The following PRKAG2 variants were observed in gnomAD, a reference collection of about 807,000 sequenced individuals.
The protein encoded by PRKAG2 is 5'-AMP-activated protein kinase subunit gamma-2.
A neutral mutation model predicts 69.6 loss-of-function variants in PRKAG2; 26 were observed. The observed-to-expected ratio is 0.37, with a 90% CI of 0.27 to 0.52. The LOEUF (loss-of-function observed/expected upper bound fraction) is 0.52. PRKAG2 is among the 20% of genes least tolerant of loss of function. The pLI is 0.90. For synonymous variants in PRKAG2, 293 were observed against 285.0 expected (o/e 1.03, Z -0.28); for missense variants, 557 against 740.0 (o/e 0.75, Z 2.87).
At chr7:151,728,785 C>T (rs768221730) in intron 3 of PRKAG2, among the ~76,000 whole-genome samples, 3 of 152,148 alleles carry the variant, frequency 2.0e-5, no homozygotes, top group African/African-American at 4.8e-5. Context: ...GATGAGCGCC[C>T]CTGGGAGAGC....
intron 4 of PRKAG2, among the ~76,000 whole-genome samples, chr7:151,673,321 C>T (rs1259454759): frequency 6.6e-6 from 1 of 152,080 alleles, no homozygotes; most frequent in African/African-American, 2.4e-5. Context: ...GAAGGTTCTC[C>T]CTTCCCTCTC....
intron 1 of PRKAG2, among the ~76,000 whole-genome samples, chr7:151,824,475 G>A (rs1240057870): frequency 6.6e-6 from 1 of 152,184 alleles, no homozygotes; most frequent in Non-Finnish European, 1.5e-5. Context: ...AAATCGTGAT[G>A]AGATTGTAAT....
Position 151,828,662 on chromosome 7 carries a change from G to A in PRKAG2, c.115-42121C>T, listed in dbSNP as rs1355636391. 2.0e-5 allele frequency among the ~76,000 whole-genome samples: 3 copies of A among 151,910 alleles called. No individual in the cohort carries two copies. Among genetic ancestry groups the A allele is most frequent in the Non-Finnish European group, 4.4e-5 (3 of 68,018 alleles). ...GGGCCTGGCATGGTGGCTCACACCT[G>A]TAACTCTCAGCACTTTGGGAGGCCA... On this transcript the variant is annotated intron_variant, in intron 1 of 15. Coordinates refer to ENST00000287878, the MANE Select transcript of PRKAG2 (RefSeq NM_016203.4). The surrounding 1 kb of genome is among the most constrained non-coding windows in gnomAD (Gnocchi z 4.6).
chr7:151,602,143 T>C (rs1189402961), intron 5 of PRKAG2, among the ~76,000 whole-genome samples: 1 of 152,274 alleles, frequency 6.6e-6, no homozygotes, highest in Admixed American at 6.5e-5. Flanking sequence ...AGTCTCCTCA[T>C]GCCTACTGAG....
rs372091421 is a variant in PRKAG2, at chr7:151,874,070, GATGTAT to G, written c.114+2431_114+2436del. ...TATGTATGTATATGTATATGTATAT[GATGTAT>G]ATGTATATGTATATGATGTATATGT... On this transcript the variant is annotated intron_variant, in intron 1 of 15. Coordinates refer to ENST00000287878, the MANE Select transcript of PRKAG2 (RefSeq NM_016203.4). Among the ~76,000 whole-genome samples, 912 of 129,760 alleles carry G rather than the reference GATGTAT, an allele frequency of 7.0e-3. 28 individuals are homozygous for G. Among genetic ancestry groups the G allele is most frequent in the Non-Finnish European group, 9.1e-3 (534 of 58,494 alleles). The allele number at this position is 129,760 out of a possible 152,430, so 85.1% of individuals were successfully genotyped here. A position where few individuals can be genotyped will look rare whatever the true frequency, so the allele number is the denominator to read the frequency against.
chr7:151,807,591 G>C lies in PRKAG2; in HGVS notation c.115-21050C>G, dbSNP rs2078180232. 1 of 457,840 alleles carries C rather than the reference G, an allele frequency of 2.2e-6. No homozygotes were observed. Among genetic ancestry groups the C allele is most frequent in the South Asian group, 1.5e-5 (1 of 64,568 alleles). The allele number at this position is 457,840 out of a possible 1,614,324, so 28.4% of individuals were successfully genotyped here. A position where few individuals can be genotyped will look rare whatever the true frequency, so the allele number is the denominator to read the frequency against. ...TAGATGCACAGCTGCCACGGAGGTAGGAAGAATGATTCGTTTGCCACCAAA... is the reference window on the plus strand; with the variant it reads ...TAGATGCACAGCTGCCACGGAGGTACGAAGAATGATTCGTTTGCCACCAAA... On this transcript the variant is annotated intron_variant, in intron 1 of 15. Coordinates refer to ENST00000287878, the MANE Select transcript of PRKAG2 (RefSeq NM_016203.4). This position sits in a 1 kb window ranked among gnomAD's most constrained non-coding sequence, Gnocchi z 4.4.
intron 3 of PRKAG2, among the ~76,000 whole-genome samples, chr7:151,676,898 A>G (rs1347603791): frequency 6.6e-6 from 1 of 152,230 alleles, no homozygotes; most frequent in Non-Finnish European, 1.5e-5. Flanking sequence ...TGGCAGAGGC[A>G]GCGATCGGAG....
At chr7:151,839,899 A>G (rs2079236010) in intron 1 of PRKAG2, among the ~76,000 whole-genome samples, 1 of 152,110 alleles carries the variant, frequency 6.6e-6, no homozygotes, top group Admixed American at 6.5e-5. Context: ...CGGCAGAGGA[A>G]GCTGAGCAGG....
At chr7:151,818,489 C>T (rs1350190941) in intron 1 of PRKAG2, among the ~76,000 whole-genome samples, 1 of 152,262 alleles carries the variant, frequency 6.6e-6, no homozygotes, top group Non-Finnish European at 1.5e-5. Flanking sequence ...ACCCCAGAAC[C>T]CTGTGTCCAG....
chr7:151,720,624 GCAGAGGGGGA>G (rs1415697096), intron 3 of PRKAG2, among the ~76,000 whole-genome samples: 2 of 141,660 alleles, frequency 1.4e-5, no homozygotes, highest in African/African-American at 2.7e-5. Flanking sequence ...AGCAGAAATG[GCAGAGGGGGA>G]CAGAGGGGGA....
At chr7:151,757,638 T>G (rs1425919038) in intron 3 of PRKAG2, among the ~76,000 whole-genome samples, 2 of 152,198 alleles carry the variant, frequency 1.3e-5, no homozygotes, top group African/African-American at 4.8e-5. Context: ...ACCCGGGACT[T>G]ACTTCCATCC....
At chr7:151,849,285 G>A (rs777875595) in intron 1 of PRKAG2, among the ~76,000 whole-genome samples, 2 of 152,214 alleles carry the variant, frequency 1.3e-5, no homozygotes, top group Admixed American at 6.5e-5. Context: ...CCTCCCACAC[G>A]GGGCGGTCTG....
chr7:151,569,394 CT>C (rs1807030299), intron 10 of PRKAG2, among the ~76,000 whole-genome samples: 1 of 152,204 alleles, frequency 6.6e-6, no homozygotes. Context: ...ACGATGAAAC[CT>C]AAATCCTTAG....
chr7:151,831,752 C>G (rs528714631), intron 1 of PRKAG2, among the ~76,000 whole-genome samples: 67 of 152,316 alleles, frequency 4.4e-4, no homozygotes, highest in African/African-American at 1.5e-3. Flanking sequence ...GGAGGGAGTT[C>G]TGTGTGCCCG....
chr7:151,619,530 G>A (rs79642905), intron 5 of PRKAG2, among the ~76,000 whole-genome samples: 9,119 of 152,288 alleles, frequency 0.06, 387 homozygotes, highest in Non-Finnish European at 0.087. Context: ...GGCTGAGACA[G>A]TGGCACCTTT....
At chr7:151,702,964 A>G (rs1837978790) in intron 3 of PRKAG2, among the ~76,000 whole-genome samples, 1 of 152,168 alleles carries the variant, frequency 6.6e-6, no homozygotes, top group Non-Finnish European at 1.5e-5. Flanking sequence ...TGCCAAGGGC[A>G]CGATTTTGCC....
At chr7:151,671,201 A>C (rs1427806733) in intron 4 of PRKAG2, among the ~76,000 whole-genome samples, 2 of 141,922 alleles carry the variant, frequency 1.4e-5, no homozygotes, top group Admixed American at 1.4e-4. Flanking sequence ...AAAAAAAAGG[A>C]GTGCTGTCTT....
At chr7:151,813,629 C>T (rs983514553) in intron 1 of PRKAG2, among the ~76,000 whole-genome samples, 7 of 152,148 alleles carry the variant, frequency 4.6e-5, no homozygotes, top group African/African-American at 1.7e-4. Flanking sequence ...CAAATTCACT[C>T]AACAGTCAGG....
rs1806847724 is a variant in PRKAG2 at position 151,568,702 on chromosome 7, T to C, written c.1233+14A>G. The C allele has an allele frequency of 6.2e-7, 1 of 1,613,104 alleles. No homozygotes were observed. The highest frequency in any genetic ancestry group is 8.5e-7 in the Non-Finnish European group (1 of 1,179,342). Reference sequence around the variant, plus strand: ...AATGCAATTATGTCTTTAGAAACGCTAAAAACTACTTACAAAAAGCTGGAG... The same window carrying C: ...AATGCAATTATGTCTTTAGAAACGCCAAAAACTACTTACAAAAAGCTGGAG... On this transcript the variant is annotated intron_variant, in intron 11 of 15. Transcript: ENST00000287878.
Sources: allele counts gnomAD v4.1 joint callset (sites outside exome capture counted in the v4.1 genomes callset), GRCh38; gene constraint gnomAD v4.1.1; non-coding constraint Gnocchi (gnomAD v3.1); transcripts MANE v1.5; gene names NCBI Gene and HGNC (gene_info 2026-07-23, HGNC 2026-07-21).